SLC24A2: variants seen among roughly 807,000 people sequenced by gnomAD.
SLC24A2 encodes the protein solute carrier family 24 member 2.
In SLC24A2, 36 loss-of-function variants were observed where a neutral mutation model predicts 62.0. That is an observed-to-expected ratio of 0.58 (90% CI 0.44 to 0.77). The LOEUF (loss-of-function observed/expected upper bound fraction) is 0.77, where lower values mean the gene tolerates loss of function less well. Ranked by LOEUF, SLC24A2 falls within the 30% of genes least tolerant of loss-of-function variation. The pLI is 0.00. For missense variants in SLC24A2, 846 were observed against 817.9 expected, an observed-to-expected ratio of 1.03 and a Z score of -0.42; for synonymous variants, 358 against 294.0, an observed-to-expected ratio of 1.22 and a Z score of -2.23.
chr9:19,526,742 A>C (rs1249675969), intron 9 of SLC24A2, among the ~76,000 whole-genome samples: 1 of 152,172 alleles, frequency 6.6e-6, no homozygotes, highest in African/African-American at 2.4e-5. Context: ...TCTTGGATAC[A>C]AGTGCTTTAT....
the SLC24A2 span, among the ~76,000 whole-genome samples, chr9:20,100,205 T>TTTTTTTTG: frequency 6.7e-6 from 1 of 150,036 alleles, no homozygotes; most frequent in Non-Finnish European, 1.5e-5. Context: ...TTTTTGTTTG[T>TTTTTTTTG]TTTTTTTGTT....
rs562446408 is a variant in SLC24A2, at chr9:19,782,980, G to A, written c.930+2957C>T. Among the ~76,000 whole-genome samples, 10 of 152,140 alleles carry A rather than the reference G, an allele frequency of 6.6e-5. No homozygotes were observed. The East Asian group carries it at 1.7e-3, about 26-fold the overall frequency. ...ATATAACTTTTTAAAAAGGGTAGTA[G>A]CATCACTAAAAGAAATAACAATAAT... On this transcript the variant is annotated intron_variant, in intron 2 of 10. Coordinates refer to ENST00000341998, the MANE Select transcript of SLC24A2 (RefSeq NM_020344.4).
chr9:20,015,092 G>C, the SLC24A2 span, among the ~76,000 whole-genome samples: 1 of 152,192 alleles, frequency 6.6e-6, no homozygotes, highest in Non-Finnish European at 1.5e-5. Context: ...AGTTGGGGTA[G>C]GGAGATTCTT....
the SLC24A2 span, among the ~76,000 whole-genome samples, chr9:20,220,794 G>C: frequency 3.3e-5 from 5 of 152,128 alleles, no homozygotes; most frequent in African/African-American, 9.6e-5. Flanking sequence ...GTTCTTCTTT[G>C]AGATATATTT....
At position 19,632,539 on chromosome 9, in the gene SLC24A2, C is replaced by T. The variant is rs1818205191; in HGVS notation, c.931-10240G>A. Among the ~76,000 whole-genome samples the T allele has an allele frequency of 6.6e-6, 1 of 152,190 alleles. No homozygotes were observed. Among genetic ancestry groups the T allele is most frequent in the Non-Finnish European group, 1.5e-5 (1 of 68,036 alleles). On this transcript the variant is annotated intron_variant, in intron 2 of 10. Transcript: ENST00000341998. This position sits in a 1 kb window ranked among gnomAD's most constrained non-coding sequence, Gnocchi z 4.5. The stretch of plus-strand genomic sequence containing the variant: ...CAGCAGTTAATATATGAAATCCTTG[C>T]TGACCTTTATCGAGCACTAACTACA...
At chr9:19,912,203 A>C in the SLC24A2 span, among the ~76,000 whole-genome samples, 2 of 152,038 alleles carry the variant, frequency 1.3e-5, no homozygotes, top group African/African-American at 4.8e-5. Flanking sequence ...ACACAGATAC[A>C]AATGTCAGAG....
the SLC24A2 span, among the ~76,000 whole-genome samples, chr9:20,302,225 C>T: frequency 6.6e-6 from 1 of 152,164 alleles, no homozygotes; most frequent in Admixed American, 6.5e-5. Context: ...CAATTTTCAG[C>T]TCCTTTGGGT....
chr9:20,199,417 T>G, the SLC24A2 span, among the ~76,000 whole-genome samples: 1 of 152,192 alleles, frequency 6.6e-6, no homozygotes, highest in East Asian at 1.9e-4. Context: ...AGAGAGCGGC[T>G]TAATAATATC....
chr9:19,957,097 A>T, the SLC24A2 span, among the ~76,000 whole-genome samples: 4 of 152,192 alleles, frequency 2.6e-5, no homozygotes, highest in Admixed American at 1.3e-4. Flanking sequence ...AGCAGTGATA[A>T]ACGTTCTTGT....
the SLC24A2 span, among the ~76,000 whole-genome samples, chr9:19,845,559 C>T: frequency 6.6e-6 from 1 of 152,012 alleles, no homozygotes; most frequent in African/African-American, 2.4e-5. Flanking sequence ...GTTTCTTTGA[C>T]TCTATTTATG....
chr9:20,171,299 T>C, the SLC24A2 span, among the ~76,000 whole-genome samples: 1 of 121,562 alleles, frequency 8.2e-6, no homozygotes, highest in South Asian at 2.7e-4. Context: ...CTATAAAAAA[T>C]ACAATAAAAA....
chr9:19,698,917 G>C (rs957985578), intron 2 of SLC24A2, among the ~76,000 whole-genome samples: 4 of 152,324 alleles, frequency 2.6e-5, no homozygotes, highest in South Asian at 2.1e-4. Flanking sequence ...GAGGCACAGA[G>C]AGGTGAGAGA....
intron 2 of SLC24A2, among the ~76,000 whole-genome samples, chr9:19,664,013 G>A (rs1379842190): frequency 6.6e-6 from 1 of 152,244 alleles, no homozygotes; most frequent in Non-Finnish European, 1.5e-5. Flanking sequence ...CCTGAGCACT[G>A]TGGTGCCTCG....
the SLC24A2 span, among the ~76,000 whole-genome samples, chr9:19,979,722 C>T: frequency 6.6e-6 from 1 of 152,142 alleles, no homozygotes; most frequent in Non-Finnish European, 1.5e-5. Context: ...TCCCAATATC[C>T]TAAGGTAATC....
At chr9:20,049,909 A>C in the SLC24A2 span, among the ~76,000 whole-genome samples, 1 of 152,158 alleles carries the variant, frequency 6.6e-6, no homozygotes, top group East Asian at 1.9e-4. Flanking sequence ...CGAAGAAAAA[A>C]GGGGAAAACA....
chr9:20,172,099 C>G, the SLC24A2 span, among the ~76,000 whole-genome samples: 1 of 152,058 alleles, frequency 6.6e-6, no homozygotes, highest in African/African-American at 2.4e-5. Flanking sequence ...ATTAAATAAT[C>G]TGCTCCGGAA....
At chr9:19,653,727 C>T (rs1818864387) in intron 2 of SLC24A2, among the ~76,000 whole-genome samples, 1 of 152,158 alleles carries the variant, frequency 6.6e-6, no homozygotes, top group Non-Finnish European at 1.5e-5. Context: ...TGGCACAATG[C>T]CTGGCATATA....
chr9:19,561,876 T>C (rs144362256), intron 7 of SLC24A2, among the ~76,000 whole-genome samples: 2 of 152,050 alleles, frequency 1.3e-5, no homozygotes, highest in Non-Finnish European at 2.9e-5. Flanking sequence ...CATGAGAAGG[T>C]TTCACTCAGT....
chr9:19,948,867 TG>T, the SLC24A2 span, among the ~76,000 whole-genome samples: 1 of 66,598 alleles, frequency 1.5e-5, no homozygotes, highest in Non-Finnish European at 3.6e-5. Context: ...AAAAAAAAAA[TG>T]AAAACAGAGC....
Sources: allele counts gnomAD v4.1 joint callset (sites outside exome capture counted in the v4.1 genomes callset), GRCh38; gene constraint gnomAD v4.1.1; non-coding constraint Gnocchi (gnomAD v3.1); transcripts MANE v1.5; gene names NCBI Gene and HGNC (gene_info 2026-07-23, HGNC 2026-07-21).